Variants in ASCC3 observed in about 807,000 individuals in gnomAD.
ASCC3 encodes the protein activating signal cointegrator 1 complex subunit 3.
ASCC3 carries 158 observed loss-of-function variants against 256.3 expected under a neutral mutation model. That is an observed-to-expected ratio of 0.62 (90% CI 0.54 to 0.70). ASCC3 has a LOEUF of 0.70. Among genes scored for constraint, ASCC3 ranks in the 30% least tolerant of loss-of-function variants. ASCC3 has a pLI of 0.00. For missense variants in ASCC3, 2,259 were observed against 2,626.0 expected (o/e 0.86, Z 3.05); for synonymous variants, 948 against 883.4 (o/e 1.07, Z -1.30).
chr6:100,711,104 C>G (rs747585764), intron 13 of ASCC3, among the ~76,000 whole-genome samples: 1 of 152,100 alleles, frequency 6.6e-6, no homozygotes, highest in Non-Finnish European at 1.5e-5. Context: ...AAAAAAGTAA[C>G]TTATTCTAAT....
At chr6:100,844,686 A>G (rs1720082862) in intron 4 of ASCC3, among the ~76,000 whole-genome samples, 4 of 152,170 alleles carry the variant, frequency 2.6e-5, no homozygotes. Context: ...TAATGCCTAC[A>G]GTCTTACCTG....
chr6:100,631,239 TA>T (rs1340063479), intron 25 of ASCC3, 26 bp from the exon 26 acceptor site: 14 of 1,537,516 alleles, frequency 9.1e-6, no homozygotes, highest in African/African-American at 4.1e-5. Flanking sequence ...TAGCCAAAAA[TA>T]CTCTTATGAA....
chr6:100,677,684 C>T (rs1435799964), intron 14 of ASCC3, among the ~76,000 whole-genome samples: 1 of 151,300 alleles, frequency 6.6e-6, no homozygotes, highest in African/African-American at 2.4e-5. Flanking sequence ...CAGACAAATA[C>T]TCTATGAAAG....
At chr6:100,853,079 C>G (rs900084994) in intron 3 of ASCC3, among the ~76,000 whole-genome samples, 1 of 151,798 alleles carries the variant, frequency 6.6e-6, no homozygotes, top group Non-Finnish European at 1.5e-5. Context: ...GGCTGGCTGA[C>G]TGGTGCGCTT....
At chr6:100,568,971 G>C (rs1770434769) in intron 36 of ASCC3, among the ~76,000 whole-genome samples, 1 of 151,748 alleles carries the variant, frequency 6.6e-6, no homozygotes, top group Non-Finnish European at 1.5e-5. Flanking sequence ...AGTAGAGACA[G>C]GGTTTCACCA....
intron 4 of ASCC3, among the ~76,000 whole-genome samples, chr6:100,817,640 A>G (rs1770819819): frequency 6.6e-6 from 1 of 152,104 alleles, no homozygotes; most frequent in South Asian, 2.1e-4. Flanking sequence ...GGAATGCTAT[A>G]AACAATTGTA....
chr6:100,850,422 A>C (rs960423296), intron 3 of ASCC3, among the ~76,000 whole-genome samples: 39 of 152,166 alleles, frequency 2.6e-4, no homozygotes, highest in African/African-American at 9.2e-4. Flanking sequence ...CGTTGAGTAC[A>C]TTGTACAAAT....
At chr6:100,511,464 G>A (rs1224581655) in intron 40 of ASCC3, among the ~76,000 whole-genome samples, 1 of 152,158 alleles carries the variant, frequency 6.6e-6, no homozygotes, top group African/African-American at 2.4e-5. Context: ...AGGTGTGGTG[G>A]CTCATGCTGG....
At chr6:100,509,617 G>A in intron 41 of ASCC3, 84 bp from the exon 42 acceptor site, 2 of 1,366,006 alleles carry the variant, frequency 1.5e-6, no homozygotes, top group Non-Finnish European at 2.0e-6. Flanking sequence ...TTGGTAGTAG[G>A]AGGCTGGGTG....
chr6:100,755,770 A>G (rs1375224366), intron 10 of ASCC3, among the ~76,000 whole-genome samples: 1 of 152,182 alleles, frequency 6.6e-6, no homozygotes, highest in Non-Finnish European at 1.5e-5. Context: ...ACCTCCCAGA[A>G]TCATAAAATT....
At chr6:100,806,320 T>C (rs1770178941) in intron 4 of ASCC3, among the ~76,000 whole-genome samples, 1 of 152,044 alleles carries the variant, frequency 6.6e-6, no homozygotes, top group African/African-American at 2.4e-5. Context: ...GAATCATGAC[T>C]TCGTGCCAAT....
intron 17 of ASCC3, among the ~76,000 whole-genome samples, chr6:100,654,481 G>A (rs1350747383): frequency 6.6e-6 from 1 of 151,952 alleles, no homozygotes; most frequent in Non-Finnish European, 1.5e-5. Flanking sequence ...AAAATAAATT[G>A]TTTAGTTTTT....
intron 36 of ASCC3, among the ~76,000 whole-genome samples, chr6:100,579,508 T>C (rs1771079282): frequency 2.6e-5 from 4 of 152,154 alleles, no homozygotes; most frequent in African/African-American, 9.7e-5. Context: ...CCATCTTGAC[T>C]TGACTTTTGT....
chr6:100,643,815 G>T (rs1582622469), intron 23 of ASCC3, among the ~76,000 whole-genome samples: 1 of 150,668 alleles, frequency 6.6e-6, no homozygotes, highest in East Asian at 1.9e-4. Flanking sequence ...ACTATGTGGG[G>T]CATTACTGGT....
chr6:100,704,871 C>T (rs1778510159), intron 13 of ASCC3, among the ~76,000 whole-genome samples: 2 of 152,140 alleles, frequency 1.3e-5, no homozygotes, highest in South Asian at 2.1e-4. Context: ...CTAAATATGC[C>T]ATAATCTCTG....
intron 4 of ASCC3, among the ~76,000 whole-genome samples, chr6:100,817,266 G>A (rs993328361): frequency 6.6e-6 from 1 of 151,726 alleles, no homozygotes; most frequent in East Asian, 1.9e-4. Context: ...AAAACTTACG[G>A]GATTAGCTAA....
intron 3 of ASCC3, chr6:100,856,595 A>C (rs911230307): frequency 1.2e-5 from 3 of 244,574 alleles, no homozygotes; most frequent in Non-Finnish European, 2.0e-5. Context: ...TCAGAACATT[A>C]TCAGCTCCCC....
At chr6:100,582,137 C>A (rs916496874) in intron 36 of ASCC3, among the ~76,000 whole-genome samples, 2 of 151,698 alleles carry the variant, frequency 1.3e-5, no homozygotes, top group African/African-American at 2.4e-5. Flanking sequence ...TCATTGGTAG[C>A]TTGATGGGGA....
intron 1 of ASCC3, among the ~76,000 whole-genome samples, chr6:100,875,990 A>G (rs1306538940): frequency 2.0e-5 from 3 of 152,212 alleles, no homozygotes; most frequent in Non-Finnish European, 4.4e-5. Flanking sequence ...AATAAAGGAT[A>G]GAGTTGATCA....
Sources: gnomAD v4.1 joint callset for allele counts (sites outside exome capture counted in the v4.1 genomes callset) on GRCh38, gnomAD v4.1.1 for gene constraint, MANE v1.5 for transcripts, NCBI Gene and HGNC (gene_info 2026-07-23, HGNC 2026-07-21) for gene names.